CGRRF1: variants seen among roughly 807,000 people sequenced by gnomAD.
CGRRF1 encodes cell growth regulator with RING finger domain protein 1.
Under a neutral mutation model 37.2 loss-of-function variants are expected in CGRRF1, and 32 were observed. The observed-to-expected ratio is 0.86, with a 90% CI of 0.65 to 1.16. CGRRF1 has a LOEUF of 1.16. Ranked by LOEUF, CGRRF1 falls within the 50% of genes most tolerant of loss-of-function variation. The probability of loss-of-function intolerance (pLI) is 0.00; values close to 1 mark genes in which losing one functional copy is unlikely to be tolerated. For missense variants in CGRRF1, 391 were observed against 382.6 expected (o/e 1.02, Z -0.18); for synonymous variants, 141 against 140.3 (o/e 1.00, Z -0.04).
At chr14:54,529,669 ACT>A (rs2032475139) in intron 2 of CGRRF1, among the ~76,000 whole-genome samples, 1 of 152,188 alleles carries the variant, frequency 6.6e-6, no homozygotes, top group Admixed American at 6.5e-5. Context: ...ATTCTGCTGC[ACT>A]GTTTCTTGTC....
chr14:54,513,473 C>T (rs965062166), intron 1 of CGRRF1, among the ~76,000 whole-genome samples: 14 of 152,144 alleles, frequency 9.2e-5, no homozygotes, highest in Non-Finnish European at 2.1e-4. Flanking sequence ...AGCGTTAGAT[C>T]GGTCAAGTCT....
intron 3 of CGRRF1, 61 bp from the exon 4 acceptor site, chr14:54,530,842 T>A: frequency 2.3e-6 from 3 of 1,295,540 alleles, no homozygotes; most frequent in Non-Finnish European, 3.3e-6. Flanking sequence ...TTATTGATCA[T>A]TTTTGGTGTA....
intron 3 of CGRRF1, chr14:54,530,684 G>T (rs2032498279): frequency 1.2e-6 from 1 of 836,720 alleles, no homozygotes; most frequent in Non-Finnish European, 1.9e-6. Flanking sequence ...CTAGAAGCAT[G>T]TTTATTGCTT....
chr14:54,513,598 TATGTTATGTTATGTTATGTA>T lies in CGRRF1; in HGVS notation c.104+3555_104+3574del, dbSNP rs1439856351. 1.5e-4 allele frequency among the ~76,000 whole-genome samples: 20 copies of T among 137,736 alleles called. 1 individual carries two copies. The highest frequency in any genetic ancestry group is 9.6e-4 in the Admixed American group (13 of 13,596). The allele number at this position is 137,736 out of a possible 152,430, so 90.4% of individuals were successfully genotyped here. The stretch of plus-strand genomic sequence containing the variant: ...TATGTTATGTTATGTTATGTTATGT[TATGTTATGTTATGTTATGTA>T]ATGTTATGTTATGTTATGTTATTTT... On this transcript the variant is annotated intron_variant, in intron 1 of 5. Coordinates refer to ENST00000216420, the MANE Select transcript of CGRRF1 (RefSeq NM_006568.3).
rs774726687 is a variant in CGRRF1, at chr14:54,509,949, G to C, written c.-11G>C. 1.9e-6 allele frequency: 3 copies of C among 1,603,320 alleles called. No individual in the cohort carries two copies. The highest frequency in any genetic ancestry group is 2.6e-6 in the Non-Finnish European group (3 of 1,170,368). The stretch of plus-strand genomic sequence containing the variant: ...CGGCTGGAGCCGGGCTCTACCCAGA[G>C]CAAGACCCTGATGGCTGCGGTGTTT... On this transcript the variant is annotated 5_prime_UTR_variant, in exon 1 of 6. Coordinates refer to ENST00000216420, the MANE Select transcript of CGRRF1 (RefSeq NM_006568.3).
chr14:54,515,306 A>G (rs1440654348), intron 1 of CGRRF1, among the ~76,000 whole-genome samples: 1 of 151,550 alleles, frequency 6.6e-6, no homozygotes, highest in African/African-American at 2.4e-5. Context: ...GTTGGCCAGG[A>G]TGGTCTCGAT....
Position 54,530,879 on chromosome 14 carries a change from ATTTACC to A in CGRRF1, c.423-18_423-13del. ...TTTTGTTCTTATGGTTATAGTGGCA[ATTTACC>A]TTTACATTTTCAAAAAGTATTAAAA... is the stretch of plus-strand genomic sequence containing the variant. On this transcript the variant is annotated intron_variant, in intron 3 of 5. Transcript: ENST00000216420. 6.5e-7 allele frequency: 1 copy of A among 1,541,022 alleles called. No individual in the cohort carries two copies. Among genetic ancestry groups the A allele is most frequent in the Non-Finnish European group, 8.9e-7 (1 of 1,118,500 alleles).
chr14:54,510,163 G>A, intron 1 of CGRRF1, 100 bp downstream of exon 1: 1 of 819,590 alleles, frequency 1.2e-6, no homozygotes, highest in East Asian at 2.5e-5. Context: ...GCGGGCCGGA[G>A]GACGTCGGGG....
chr14:54,519,360 C>G (rs1442973221), intron 1 of CGRRF1, among the ~76,000 whole-genome samples: 1 of 151,598 alleles, frequency 6.6e-6, no homozygotes, highest in Admixed American at 6.6e-5. Context: ...ACCTCAGCCT[C>G]TTAAGTAGCT....
intron 1 of CGRRF1, 35 bp downstream of exon 1, chr14:54,510,098 A>G (rs757877048): frequency 5.3e-6 from 8 of 1,508,600 alleles, no homozygotes; most frequent in Non-Finnish European, 7.4e-6. Context: ...GAAGGGGCGG[A>G]TACCGCCAGA....
At chr14:54,535,266 G>C (rs967230564) in intron 4 of CGRRF1, among the ~76,000 whole-genome samples, 20 of 151,856 alleles carry the variant, frequency 1.3e-4, no homozygotes, top group Non-Finnish European at 2.9e-4. Context: ...TCTAGAGCCA[G>C]ATTTTGTATT....
At chr14:54,529,985 C>G in intron 2 of CGRRF1, 64 bp from the exon 3 acceptor site, 2 of 1,355,278 alleles carry the variant, frequency 1.5e-6, no homozygotes, top group Non-Finnish European at 2.1e-6. Flanking sequence ...TGTTACTCAC[C>G]CTGTATGATT....
At position 54,537,889 on chromosome 14, in the gene CGRRF1, G is replaced by C; in HGVS notation, c.678+60G>C. ...TTTGTTTACAGAGTTTCAAAGAATG[G>C]CCATTTATGGAAAGGTGATTATATT... On this transcript the variant is annotated intron_variant, in intron 5 of 5. Coordinates refer to ENST00000216420, the MANE Select transcript of CGRRF1 (RefSeq NM_006568.3). 3 of 1,552,066 alleles carry C rather than the reference G, an allele frequency of 1.9e-6. 1 individual carries two copies. Among genetic ancestry groups the C allele is most frequent in the Non-Finnish European group, 2.6e-6 (3 of 1,157,106 alleles).
chr14:54,522,562 GATCACTA>G lies in CGRRF1; in HGVS notation c.217_223del (p.Thr73HisfsTer10), dbSNP rs1364834546. On this transcript the variant is annotated frameshift_variant, in exon 2 of 6. Coordinates refer to ENST00000216420, the MANE Select transcript of CGRRF1 (RefSeq NM_006568.3). LOFTEE classifies it high-confidence loss of function. ...AAGTCAAGAATCCTTTTGGCTTAGA[GATCACTA>G]ATCCATCTTCAGCTTCAATTACAAG... The G allele has an allele frequency of 6.2e-7, 1 of 1,600,118 alleles. No individual in the cohort carries two copies. The highest frequency in any genetic ancestry group is 8.5e-7 in the Non-Finnish European group (1 of 1,175,260).
intron 1 of CGRRF1, among the ~76,000 whole-genome samples, chr14:54,521,477 T>C (rs1041677552): frequency 4.0e-5 from 6 of 151,554 alleles, no homozygotes; most frequent in Admixed American, 3.3e-4. Flanking sequence ...AAAAAAAAGT[T>C]CCGTTGTCCC....
intron 2 of CGRRF1, among the ~76,000 whole-genome samples, chr14:54,522,867 T>C (rs1216504194): frequency 6.6e-6 from 1 of 152,250 alleles, no homozygotes. Context: ...TGAAGTCTCT[T>C]AGGACACTAT....
At chr14:54,520,989 G>T (rs868596664) in intron 1 of CGRRF1, among the ~76,000 whole-genome samples, 1 of 152,116 alleles carries the variant, frequency 6.6e-6, no homozygotes, top group Non-Finnish European at 1.5e-5. Context: ...ATTAATTTTA[G>T]ATTATTTTAT....
At chr14:54,528,881 A>G (rs1217175841) in intron 2 of CGRRF1, among the ~76,000 whole-genome samples, 2 of 152,232 alleles carry the variant, frequency 1.3e-5, no homozygotes, top group African/African-American at 4.8e-5. Context: ...TGTACATACT[A>G]CTAAATACTG....
rs1282957589 is a variant in CGRRF1, at chr14:54,522,517, T to A, written c.168T>A (p.Val56=). Residue 56 remains valine (V), a synonymous_variant, in exon 2 of 6, where the codon GTT becomes GTA. Transcript: ENST00000216420. Reference sequence around the variant, plus strand: ...AAGAGACCCAGTTCAGCACAAGAGTTTTCAAAAAGCAAATGAGACAAGTCA... The same window carrying A: ...AAGAGACCCAGTTCAGCACAAGAGTATTCAAAAAGCAAATGAGACAAGTCA... ...NSEETQFSTR[V]FKKQMRQVKN... The A allele has an allele frequency of 6.2e-7, 1 of 1,609,726 alleles. No homozygotes were observed. Among genetic ancestry groups the A allele is most frequent in the Non-Finnish European group, 8.5e-7 (1 of 1,178,448 alleles).
Sources: allele counts gnomAD v4.1 joint callset (sites outside exome capture counted in the v4.1 genomes callset), GRCh38; gene constraint gnomAD v4.1.1; transcripts MANE v1.5; gene names NCBI Gene and HGNC (gene_info 2026-07-23, HGNC 2026-07-21).